The following ABCB5 variants were observed in gnomAD, a reference collection of about 807,000 sequenced individuals.
ABCB5 encodes ATP binding cassette subfamily B member 5.
ABCB5 carries 155 observed loss-of-function variants against 144.2 expected under a neutral mutation model. The observed-to-expected ratio is 1.08, with a 90% confidence interval of 0.94 to 1.23. ABCB5 has a LOEUF of 1.23. Ranked by LOEUF, ABCB5 falls within the 50% of genes most tolerant of loss-of-function variation. The pLI is 0.00. For missense variants in ABCB5, 1,830 were observed against 1,520.8 expected (o/e 1.20, Z -3.38); for synonymous variants, 610 against 528.6 (o/e 1.15, Z -2.11).
intron 14 of ABCB5, among the ~76,000 whole-genome samples, chr7:20,677,143 T>C (rs1486690746): frequency 2.0e-5 from 3 of 152,242 alleles, no homozygotes; most frequent in Non-Finnish European, 2.9e-5. Flanking sequence ...TAGTCTGTTG[T>C]TCATAAAACT....
At chr7:20,634,238 T>TTGTGTGTGTGTGTGTG (rs10688708) in intron 5 of ABCB5, among the ~76,000 whole-genome samples, 13 of 140,544 alleles carry the variant, frequency 9.2e-5, no homozygotes, top group African/African-American at 3.4e-4. Flanking sequence ...GTATTCCATG[T>TTGTGTGTGTGTGTGTG]TGTGTGTGTG....
intron 24 of ABCB5, 27 bp from the exon 25 acceptor site, chr7:20,742,850 C>A (rs763482839): frequency 1.2e-6 from 2 of 1,610,858 alleles, no homozygotes; most frequent in South Asian, 1.1e-5. Context: ...AGTCATTCTT[C>A]TCAACTCTGT....
intron 14 of ABCB5, chr7:20,659,589 TG>T: frequency 1.0e-6 from 1 of 994,460 alleles, no homozygotes; most frequent in Non-Finnish European, 1.2e-6. Flanking sequence ...ACATGTTGCT[TG>T]TGTGATAAAT....
chr7:20,622,907 T>C (rs1416530108), intron 1 of ABCB5, among the ~76,000 whole-genome samples: 1 of 152,110 alleles, frequency 6.6e-6, no homozygotes, highest in African/African-American at 2.4e-5. Flanking sequence ...TGAGATAGAT[T>C]AAAAATTTTC....
At chr7:20,691,410 G>A (rs1786224963) in intron 16 of ABCB5, among the ~76,000 whole-genome samples, 1 of 151,522 alleles carries the variant, frequency 6.6e-6, no homozygotes, top group Non-Finnish European at 1.5e-5. Context: ...GATCTGCAGA[G>A]GTTCTCCTTT....
At chr7:20,752,099 G>A (rs538463924) in intron 26 of ABCB5, among the ~76,000 whole-genome samples, 1 of 152,290 alleles carries the variant, frequency 6.6e-6, no homozygotes, top group Non-Finnish European at 1.5e-5. Context: ...ATTCCCTCAA[G>A]CTTCTCTAGA....
At chr7:20,728,517 G>A in intron 23 of ABCB5, 62 bp downstream of exon 23, 1 of 1,563,352 alleles carries the variant, frequency 6.4e-7, no homozygotes, top group Admixed American at 1.9e-5. Flanking sequence ...ACTTTGAGAG[G>A]CTGAGGCGGG....
chr7:20,682,242 G>A (rs1785854595), intron 15 of ABCB5, among the ~76,000 whole-genome samples: 1 of 152,118 alleles, frequency 6.6e-6, no homozygotes, highest in African/African-American at 2.4e-5. Flanking sequence ...ACTTGTATGT[G>A]GAAGATACTG....
At chr7:20,745,791 C>G (rs1782701150) in intron 26 of ABCB5, among the ~76,000 whole-genome samples, 1 of 152,238 alleles carries the variant, frequency 6.6e-6, no homozygotes, top group African/African-American at 2.4e-5. Flanking sequence ...TTCTTCCTCA[C>G]AGTAATCAGA....
At chr7:20,625,772 T>C (rs1783895328) in intron 2 of ABCB5, among the ~76,000 whole-genome samples, 1 of 152,212 alleles carries the variant, frequency 6.6e-6, no homozygotes. Context: ...AGGTTTAACA[T>C]GTAACCCAGC....
intron 14 of ABCB5, among the ~76,000 whole-genome samples, chr7:20,674,503 T>G (rs1785543043): frequency 6.6e-6 from 1 of 151,856 alleles, no homozygotes; most frequent in Non-Finnish European, 1.5e-5. Context: ...TTCCTATATA[T>G]GTAATGATTG....
chr7:20,726,316 T>A (rs1427678054), intron 21 of ABCB5, among the ~76,000 whole-genome samples: 1 of 151,734 alleles, frequency 6.6e-6, no homozygotes, highest in East Asian at 1.9e-4. Flanking sequence ...TTTAATTCTT[T>A]GCTAGAATAA....
Position 20,643,180 on chromosome 7 carries a change from T to C in ABCB5, c.315-4T>C. 6.2e-7 allele frequency: 1 copy of C among 1,600,270 alleles called. No homozygotes were observed. Among genetic ancestry groups the C allele is most frequent in the Non-Finnish European group, 8.5e-7 (1 of 1,169,888 alleles). The stretch of plus-strand genomic sequence containing the variant: ...AGTCTCACATTCTAATACTCTTTCT[T>C]CAGGTTGACCCTGTATTATGTTGGA... On this transcript the variant is annotated splice_region_variant and splice_polypyrimidine_tract_variant and intron_variant, in intron 5 of 27. Coordinates refer to ENST00000404938, the MANE Select transcript of ABCB5 (RefSeq NM_001163941.2).
At chr7:20,740,652 T>C (rs763059279) in intron 24 of ABCB5, among the ~76,000 whole-genome samples, 1 of 152,184 alleles carries the variant, frequency 6.6e-6, no homozygotes, top group Non-Finnish European at 1.5e-5. Flanking sequence ...CTGCAGATTA[T>C]AACAGAGGAA....
At chr7:20,753,233 A>G (rs753362660) in intron 26 of ABCB5, 127 bp from the exon 27 acceptor site, 81 of 1,174,474 alleles carry the variant, frequency 6.9e-5, no homozygotes, top group East Asian at 9.7e-5. Context: ...ATAGATTTCA[A>G]CATTTGTTGG....
At position 20,643,453 on chromosome 7, in the gene ABCB5, T is replaced by G; in HGVS notation, c.507-8T>G. 1 of 1,613,940 alleles carries G rather than the reference T, an allele frequency of 6.2e-7. No individual in the cohort carries two copies. Among genetic ancestry groups the G allele is most frequent in the South Asian group, 1.1e-5 (1 of 91,088 alleles). On this transcript the variant is annotated splice_region_variant and splice_polypyrimidine_tract_variant and intron_variant, in intron 6 of 27. Transcript: ENST00000404938. ...AATGACCTAACTACATTTATTTGCTTGTTTCAGTGACATTGACAAAATCAG... is the reference window on the plus strand; with the variant it reads ...AATGACCTAACTACATTTATTTGCTGGTTTCAGTGACATTGACAAAATCAG...
chr7:20,645,635 G>T, intron 7 of ABCB5, 121 bp from the exon 8 acceptor site: 2 of 1,247,194 alleles, frequency 1.6e-6, no homozygotes, highest in Non-Finnish European at 2.2e-6. Flanking sequence ...TAAAAATACA[G>T]AGATAAAGTC....
At chr7:20,648,814 G>C (rs940497516) in intron 11 of ABCB5, among the ~76,000 whole-genome samples, 13 of 151,896 alleles carry the variant, frequency 8.6e-5, no homozygotes, top group Non-Finnish European at 1.3e-4. Context: ...TTTTTTTTCT[G>C]ATTAAAACTT....
intron 16 of ABCB5, among the ~76,000 whole-genome samples, chr7:20,697,466 C>T (rs1786459680): frequency 6.6e-6 from 1 of 152,176 alleles, no homozygotes; most frequent in Non-Finnish European, 1.5e-5. Flanking sequence ...TTACTCACCA[C>T]AAAGCTGTTC....
Sources: allele counts gnomAD v4.1 joint callset (sites outside exome capture counted in the v4.1 genomes callset), GRCh38; gene constraint gnomAD v4.1.1; transcripts MANE v1.5; gene names NCBI Gene and HGNC (gene_info 2026-07-23, HGNC 2026-07-21).